Variants in PISD observed in about 807,000 individuals in gnomAD.
PISD encodes phosphatidylserine decarboxylase.
PISD carries 31 observed loss-of-function variants against 43.5 expected under a neutral mutation model. That is an observed-to-expected ratio of 0.71 (90% CI 0.54 to 0.96). PISD has a LOEUF of 0.96. PISD is among the 40% of genes least tolerant of loss of function. The probability of loss-of-function intolerance (pLI) is 0.00; values close to 1 mark genes in which losing one functional copy is unlikely to be tolerated. For synonymous variants in PISD, 259 were observed against 228.7 expected (o/e 1.13, Z -1.20); for missense variants, 523 against 548.4 (o/e 0.95, Z 0.46).
At chr22:31,639,717 T>C (rs1053778589) in intron 3 of PISD, among the ~76,000 whole-genome samples, 9 of 152,054 alleles carry the variant, frequency 5.9e-5, no homozygotes, top group African/African-American at 1.7e-4. Flanking sequence ...AGGCAGGACA[T>C]ATGACCACTG....
At chr22:31,662,037 C>T (rs2074335039) in intron 1 of PISD, 107 bp downstream of exon 1, 1 of 1,022,630 alleles carries the variant, frequency 9.8e-7, no homozygotes, top group South Asian at 1.3e-5. Context: ...CCGTCTCCAC[C>T]CGAGCTCGCC....
intron 3 of PISD, chr22:31,632,378 G>A: frequency 4.5e-6 from 1 of 223,688 alleles, no homozygotes; most frequent in Non-Finnish European, 7.5e-6. Context: ...TACAGGGGTG[G>A]CAGATACCTT....
chr22:31,636,988 T>A (rs1284159766), intron 3 of PISD, among the ~76,000 whole-genome samples: 1 of 151,378 alleles, frequency 6.6e-6, no homozygotes, highest in Non-Finnish European at 1.5e-5. Flanking sequence ...TTCCCTTTTT[T>A]TAAAAAGATT....
At chr22:31,643,502 G>A (rs1023312017) in intron 3 of PISD, among the ~76,000 whole-genome samples, 1 of 152,142 alleles carries the variant, frequency 6.6e-6, no homozygotes, top group Non-Finnish European at 1.5e-5. Context: ...GGAAGGCTAA[G>A]GTGAAAGAAA....
chr22:31,621,880 A>G lies in PISD; in HGVS notation c.327T>C (p.Ala109=), dbSNP rs1488945523. ...AGCGCGTTGGCACTGACTTGTACAA[A>G]GCCACCTGCAGGCCACAGGGCAAGG... ...PPKLAGHWEV[A]LYKSVPTRLL... The change falls in exon 4 of 8, where the codon GCT becomes GCC. Residue 109 remains alanine, a synonymous_variant. Coordinates refer to ENST00000439502, the MANE Select transcript of PISD (RefSeq NM_001326411.2). 1 of 1,606,418 alleles carries G rather than the reference A, an allele frequency of 6.2e-7. No individual in the cohort carries two copies. The highest frequency in any genetic ancestry group is 8.5e-7 in the Non-Finnish European group (1 of 1,179,358).
chr22:31,638,430 G>A, intron 3 of PISD: 5 of 983,170 alleles, frequency 5.1e-6, no homozygotes, highest in South Asian at 4.7e-5. Context: ...GAGGGGCGAG[G>A]AAGGGGGGAT....
chr22:31,623,769 G>A (rs776000864), intron 3 of PISD: 1 of 1,614,190 alleles, frequency 6.2e-7, no homozygotes, highest in Non-Finnish European at 8.5e-7. Context: ...CAAGGGCCAG[G>A]AGCGCAGTTT....
intron 3 of PISD, among the ~76,000 whole-genome samples, chr22:31,637,505 C>T (rs1034007662): frequency 6.6e-6 from 1 of 152,084 alleles, no homozygotes; most frequent in Non-Finnish European, 1.5e-5. Context: ...GGACCCTCCT[C>T]TGTACTTCCT....
Position 31,621,096 on chromosome 22 carries a change from C to A in PISD, c.744G>T (p.Gly248=). 2 of 1,614,216 alleles carry A rather than the reference C, an allele frequency of 1.2e-6. No individual in the cohort carries two copies. Among genetic ancestry groups the A allele is most frequent in the Non-Finnish European group, 1.7e-6 (2 of 1,180,024 alleles). Residue 248 remains glycine (G), a synonymous_variant, in exon 6 of 8, where the codon GGG becomes GGT. Transcript: ENST00000439502. ...SFKNQLVTRE[G]NELYHCVIYL... Reference sequence around the variant, plus strand: ...AGATGACACAGTGATAGAGCTCATTCCCTTCCCGGGTGACCAGCTGGTTCT... The same window carrying A: ...AGATGACACAGTGATAGAGCTCATTACCTTCCCGGGTGACCAGCTGGTTCT...
intron 6 of PISD, 133 bp from the exon 7 acceptor site, chr22:31,620,846 G>A (rs1472758510): frequency 9.4e-6 from 13 of 1,388,908 alleles, no homozygotes; most frequent in South Asian, 5.4e-5. Flanking sequence ...TGGGCCCCAC[G>A]GTCCCCTGCC....
chr22:31,634,385 C>T (rs1292907891), intron 3 of PISD, among the ~76,000 whole-genome samples: 2 of 152,196 alleles, frequency 1.3e-5, no homozygotes, highest in Non-Finnish European at 2.9e-5. Context: ...TTCTCCTATC[C>T]CTGCCCAACT....
chr22:31,637,128 T>C (rs1167025708), intron 3 of PISD, among the ~76,000 whole-genome samples: 1 of 69,076 alleles, frequency 1.4e-5, no homozygotes, highest in Non-Finnish European at 2.9e-5. Flanking sequence ...CAAAAAAAAA[T>C]AATAATAAAT....
chr22:31,645,405 CAAAT>C (rs1205424122), intron 3 of PISD, among the ~76,000 whole-genome samples: 1 of 151,772 alleles, frequency 6.6e-6, no homozygotes, highest in Non-Finnish European at 1.5e-5. Flanking sequence ...GGCCCTGCCT[CAAAT>C]AAATAAATAA....
At chr22:31,642,138 T>A (rs1601412096) in intron 3 of PISD, among the ~76,000 whole-genome samples, 1 of 151,194 alleles carries the variant, frequency 6.6e-6, no homozygotes, top group Middle Eastern at 3.4e-3. Context: ...ACCAGAGACT[T>A]CAGGACCTGG....
intron 1 of PISD, among the ~76,000 whole-genome samples, chr22:31,655,184 G>A (rs1229690322): frequency 6.6e-6 from 1 of 151,824 alleles, no homozygotes; most frequent in African/African-American, 2.4e-5. Context: ...CTTTACAAGA[G>A]TGAGAAACTT....
intron 1 of PISD, among the ~76,000 whole-genome samples, chr22:31,658,716 G>A (rs907010953): frequency 5.9e-5 from 9 of 151,828 alleles, no homozygotes; most frequent in African/African-American, 1.5e-4. Context: ...CATTTTTTGC[G>A]GAGAGGAGGT....
rs974958317 is a variant in PISD at position 31,644,813 on chromosome 22, T to C, written c.321+3288A>G. Reference sequence around the variant, plus strand: ...GTGGAAAATTCCACATCTGATGTCATGTGACAGGTCACAGTCAAAACTTTG... The same window carrying C: ...GTGGAAAATTCCACATCTGATGTCACGTGACAGGTCACAGTCAAAACTTTG... On this transcript the variant is annotated intron_variant, in intron 3 of 7. Transcript: ENST00000439502. Among the ~76,000 whole-genome samples, 3 of 152,218 alleles carry C rather than the reference T, an allele frequency of 2.0e-5. 1 individual carries two copies. The highest frequency in any genetic ancestry group is 2.0e-4 in the Admixed American group (3 of 15,280).
intron 6 of PISD, 141 bp downstream of exon 6, chr22:31,620,855 C>A: frequency 7.2e-7 from 1 of 1,383,540 alleles, no homozygotes. Context: ...CGGTCCCCTG[C>A]CCACAACCAG....
rs765378301 is a variant in PISD at position 31,619,813 on chromosome 22, C to A, written c.1029G>T (p.Arg343Ser). ...FDRDLHTNSPRHSKGSYNDFS... is the reference protein window; with the variant it reads ...FDRDLHTNSPSHSKGSYNDFS... ...AGTCATTGTAGGAGCCCTTGCTGTG[C>A]CTTGGGCTGTTTGTGTGCAGGTCCT... Residue 343 changes from arginine to serine, a missense_variant, in exon 8 of 8, where the codon AGG becomes AGT. Physicochemically the swap from Arg to Ser is moderately radical, Grantham distance 110 (BLOSUM62 -1). Transcript: ENST00000439502. 1 of 1,613,594 alleles carries A rather than the reference C, an allele frequency of 6.2e-7. No individual in the cohort carries two copies. Among genetic ancestry groups the A allele is most frequent in the African/African-American group, 1.3e-5 (1 of 74,908 alleles).
Sources: allele counts gnomAD v4.1 joint callset (sites outside exome capture counted in the v4.1 genomes callset), GRCh38; gene constraint gnomAD v4.1.1; transcripts MANE v1.5; gene names NCBI Gene and HGNC (gene_info 2026-07-23, HGNC 2026-07-21).